The following SCEL variants were observed in gnomAD, a reference collection of about 807,000 sequenced individuals.
The protein encoded by SCEL is sciellin.
Under a neutral mutation model 117.6 loss-of-function variants are expected in SCEL, and 113 were observed. The observed-to-expected ratio is 0.96, with a 90% CI of 0.83 to 1.12. SCEL has a LOEUF of 1.12. SCEL is among the 50% of genes most tolerant of loss of function. The probability of loss-of-function intolerance (pLI) is 0.00; values close to 1 mark genes in which losing one functional copy is unlikely to be tolerated. For missense variants in SCEL, 785 were observed against 810.8 expected (o/e 0.97, Z 0.39); for synonymous variants, 270 against 256.2 (o/e 1.05, Z -0.51).
chr13:77,550,557 C>T (rs1394594037), intron 1 of SCEL, among the ~76,000 whole-genome samples: 1 of 152,040 alleles, frequency 6.6e-6, no homozygotes, highest in Admixed American at 6.6e-5. Context: ...AAACACTAAT[C>T]CACTTTCTTT....
intron 32 of SCEL, 90 bp from the exon 33 acceptor site, chr13:77,644,168 C>A: frequency 7.3e-7 from 1 of 1,372,516 alleles, no homozygotes; most frequent in Admixed American, 1.7e-5. Context: ...TAATCTACCA[C>A]TACCCGTTGG....
chr13:77,599,389 G>A lies in SCEL; in HGVS notation c.857+1G>A, dbSNP rs368510606. The A allele has an allele frequency of 4.8e-5, 77 of 1,610,616 alleles. 1 individual carries two copies. Among genetic ancestry groups the A allele is most frequent in the Middle Eastern group, 3.3e-4 (2 of 6,034 alleles). On this transcript the variant is annotated splice_donor_variant, in intron 14 of 32. Coordinates refer to ENST00000349847, the MANE Select transcript of SCEL (RefSeq NM_144777.3). LOFTEE classifies it high-confidence loss of function. ...CAAAGGTAGAAGAAAGAGAGAAAAG[G>A]TAAGTGCATCTGTCTCAAATATGAA... is the stretch of plus-strand genomic sequence containing the variant.
intron 22 of SCEL, among the ~76,000 whole-genome samples, chr13:77,612,090 A>G (rs1227284963): frequency 6.6e-6 from 1 of 152,170 alleles, no homozygotes; most frequent in Non-Finnish European, 1.5e-5. Flanking sequence ...TGATAAAATG[A>G]ACCTATAGAT....
intron 20 of SCEL, 113 bp downstream of exon 20, chr13:77,608,228 T>C (rs2088370828): frequency 1.4e-6 from 1 of 700,068 alleles, no homozygotes; most frequent in Non-Finnish European, 2.4e-6. Context: ...CTGAACCCCA[T>C]TACTTACCAG....
chr13:77,553,875 A>T (rs964135189), intron 1 of SCEL, among the ~76,000 whole-genome samples: 15 of 152,080 alleles, frequency 9.9e-5, no homozygotes, highest in South Asian at 4.2e-4. Flanking sequence ...CTAATAACAT[A>T]CCTAAGGTGA....
intron 1 of SCEL, among the ~76,000 whole-genome samples, chr13:77,538,644 T>C (rs1200618080): frequency 6.6e-6 from 1 of 152,210 alleles, no homozygotes; most frequent in Non-Finnish European, 1.5e-5. Flanking sequence ...GATACTTAAT[T>C]GGAACAGTGA....
At chr13:77,625,526 A>G (rs1257665119) in intron 27 of SCEL, among the ~76,000 whole-genome samples, 1 of 152,194 alleles carries the variant, frequency 6.6e-6, no homozygotes, top group Non-Finnish European at 1.5e-5. Flanking sequence ...GAAACCTAGT[A>G]CTTTTTACCT....
Position 77,591,590 on chromosome 13 carries a change from T to G in SCEL, c.692+130T>G, listed in dbSNP as rs41288254. On this transcript the variant is annotated intron_variant, in intron 11 of 32. Transcript: ENST00000349847. Reference sequence around the variant, plus strand: ...CAGTTTTCCAACTGACTCCAAAATATTAATAAATGTTTTTGTAGGCACTTT... The same window carrying G: ...CAGTTTTCCAACTGACTCCAAAATAGTAATAAATGTTTTTGTAGGCACTTT... The G allele has an allele frequency of 0.13, 75,144 of 595,436 alleles. 5,357 individuals carry two copies. The highest frequency in any genetic ancestry group is 0.15 in the Non-Finnish European group (50,191 of 337,684). 36.9% of individuals were successfully genotyped at this position (595,436 alleles called of 1,614,324 possible). A position where few individuals can be genotyped will look rare whatever the true frequency, so the allele number is the denominator to read the frequency against.
chr13:77,575,169 TTC>T (rs1354977823), intron 9 of SCEL, among the ~76,000 whole-genome samples: 86 of 152,316 alleles, frequency 5.6e-4, no homozygotes, highest in Admixed American at 1.4e-3. Context: ...AAAAATCAAG[TTC>T]AGATTAAAAA....
chr13:77,553,031 T>C (rs1467512610), intron 1 of SCEL, among the ~76,000 whole-genome samples: 7 of 152,178 alleles, frequency 4.6e-5, no homozygotes, highest in Non-Finnish European at 7.3e-5. Flanking sequence ...ATATGTGGTG[T>C]CAAGAACAGA....
intron 19 of SCEL, among the ~76,000 whole-genome samples, chr13:77,605,328 G>A (rs1185681969): frequency 2.0e-5 from 3 of 152,146 alleles, no homozygotes; most frequent in Non-Finnish European, 4.4e-5. Flanking sequence ...TTGTGTAGGT[G>A]TGGCATGGTC....
chr13:77,601,856 C>G (rs1012656846), intron 15 of SCEL, among the ~76,000 whole-genome samples: 1 of 152,204 alleles, frequency 6.6e-6, no homozygotes, highest in Admixed American at 6.5e-5. Context: ...GTATCTTAGT[C>G]TCAGGCTGCT....
chr13:77,558,591 G>A (rs1169192579), intron 3 of SCEL, among the ~76,000 whole-genome samples: 1 of 151,918 alleles, frequency 6.6e-6, no homozygotes, highest in Non-Finnish European at 1.5e-5. Context: ...AGGCGAGCAA[G>A]TCACTTGGGG....
At chr13:77,544,493 G>A (rs1271240715) in intron 1 of SCEL, among the ~76,000 whole-genome samples, 3 of 152,192 alleles carry the variant, frequency 2.0e-5, no homozygotes, top group African/African-American at 7.2e-5. Context: ...TAGCTGAGCT[G>A]GGAACTGGCC....
chr13:77,636,089 A>C (rs1435862787), intron 29 of SCEL, among the ~76,000 whole-genome samples: 1 of 152,228 alleles, frequency 6.6e-6, no homozygotes, highest in Non-Finnish European at 1.5e-5. Context: ...TAACCTAGCA[A>C]GGATGGTGAT....
chr13:77,593,525 T>G lies in SCEL; in HGVS notation c.704T>G (p.Leu235Arg), dbSNP rs1205251811. ...TTCATTGTTTGAAGGAGTCAGGATC[T>G]TGATAACATCGTCAAAGTGGCCACT... is the stretch of plus-strand genomic sequence containing the variant. ...SAERNIRSQD[L>R]DNIVKVATSL... Residue 235 changes from leucine to arginine, a missense_variant, in exon 12 of 33, where the codon CTT becomes CGT. Physicochemically the swap from Leu to Arg is moderately radical, Grantham distance 102. Transcript: ENST00000349847. The G allele has an allele frequency of 1.2e-6, 2 of 1,612,580 alleles. No individual in the cohort carries two copies. The highest frequency in any genetic ancestry group is 2.2e-5 in the South Asian group (2 of 90,976).
chr13:77,569,246 C>A, intron 7 of SCEL, 125 bp from the exon 8 acceptor site: 1 of 701,268 alleles, frequency 1.4e-6, no homozygotes, highest in Non-Finnish European at 2.3e-6. Flanking sequence ...TTTTCTATCC[C>A]CAAGTGAAAC....
At chr13:77,579,396 TA>T (rs1280402084) in intron 9 of SCEL, among the ~76,000 whole-genome samples, 2 of 152,262 alleles carry the variant, frequency 1.3e-5, no homozygotes, top group African/African-American at 4.8e-5. Context: ...TATTTCTTAA[TA>T]TCTACTAGAC....
intron 30 of SCEL, among the ~76,000 whole-genome samples, chr13:77,640,080 T>C (rs2090487912): frequency 6.6e-6 from 1 of 152,138 alleles, no homozygotes; most frequent in African/African-American, 2.4e-5. Context: ...GGGTTATGTC[T>C]TGCTGGAGGG....
Sources: allele counts gnomAD v4.1 joint callset (sites outside exome capture counted in the v4.1 genomes callset), GRCh38; gene constraint gnomAD v4.1.1; transcripts MANE v1.5; gene names NCBI Gene and HGNC (gene_info 2026-07-23, HGNC 2026-07-21).